The following ITPR2 variants were observed in gnomAD, a reference collection of about 807,000 sequenced individuals.
ITPR2 encodes the protein inositol 1,4,5-trisphosphate receptor type 2.
A neutral mutation model predicts 317.1 loss-of-function variants in ITPR2; 207 were observed. The observed-to-expected ratio is 0.65, with a 90% confidence interval of 0.58 to 0.73. The LOEUF is 0.73. Ranked by LOEUF, ITPR2 falls within the 30% of genes least tolerant of loss-of-function variation. The probability of loss-of-function intolerance (pLI) is 0.00; values close to 1 mark genes in which losing one functional copy is unlikely to be tolerated. For synonymous variants in ITPR2, 1,156 were observed against 1,149.1 expected, an observed-to-expected ratio of 1.01 and a Z score of -0.12; for missense variants, 2,613 against 3,284.0, an observed-to-expected ratio of 0.80 and a Z score of 4.99.
intron 8 of ITPR2, among the ~76,000 whole-genome samples, chr12:26,714,256 G>A (rs878975445): frequency 5.3e-5 from 8 of 151,970 alleles, no homozygotes; most frequent in Non-Finnish European, 2.9e-5. Context: ...TTATCTCTCC[G>A]TTTTTCAGTT....
At chr12:26,693,880 T>C (rs1018377159) in intron 10 of ITPR2, among the ~76,000 whole-genome samples, 2 of 152,212 alleles carry the variant, frequency 1.3e-5, no homozygotes, top group African/African-American at 4.8e-5. Flanking sequence ...ATCTGTCTGA[T>C]CTTATTTTAT....
At chr12:26,582,700 G>C (rs983534704) in intron 32 of ITPR2, among the ~76,000 whole-genome samples, 9 of 152,040 alleles carry the variant, frequency 5.9e-5, no homozygotes, top group African/African-American at 2.2e-4. Flanking sequence ...TTCACCAAAA[G>C]AGGAATCACC....
intron 34 of ITPR2, among the ~76,000 whole-genome samples, chr12:26,576,953 A>C (rs2137067403): frequency 6.6e-6 from 1 of 152,280 alleles, no homozygotes; most frequent in East Asian, 1.9e-4. Flanking sequence ...GTGGGTTTCT[A>C]ATAAAAATAT....
At chr12:26,458,969 C>T (rs1263669874) in intron 45 of ITPR2, among the ~76,000 whole-genome samples, 1 of 152,342 alleles carries the variant, frequency 6.6e-6, no homozygotes, top group Middle Eastern at 3.4e-3. Flanking sequence ...ATGAGAACTA[C>T]AAAGCACCGC....
At chr12:26,793,160 TA>T (rs1176366737) in intron 1 of ITPR2, among the ~76,000 whole-genome samples, 1 of 152,218 alleles carries the variant, frequency 6.6e-6, no homozygotes, top group African/African-American at 2.4e-5. Flanking sequence ...AGTTAACTTT[TA>T]TAAGCTAAGG....
At chr12:26,368,954 A>G (rs1291386466) in intron 55 of ITPR2, among the ~76,000 whole-genome samples, 2 of 152,196 alleles carry the variant, frequency 1.3e-5, no homozygotes, top group African/African-American at 4.8e-5. Flanking sequence ...TAGTGGGGAG[A>G]TGGGACCTCT....
At chr12:26,435,121 TTTAGAAC>T (rs1260242321) in intron 48 of ITPR2, among the ~76,000 whole-genome samples, 1 of 152,130 alleles carries the variant, frequency 6.6e-6, no homozygotes, top group Non-Finnish European at 1.5e-5. Context: ...ACAGCTAAAG[TTTAGAAC>T]TTTGATATCT....
chr12:26,824,854 T>A (rs1053597809), intron 1 of ITPR2, among the ~76,000 whole-genome samples: 1 of 152,192 alleles, frequency 6.6e-6, no homozygotes, highest in Non-Finnish European at 1.5e-5. Flanking sequence ...TTTTTAAACA[T>A]TCCCATCAAA....
chr12:26,400,936 T>C (rs1167062563), intron 52 of ITPR2: 1 of 152,192 alleles, frequency 6.6e-6, no homozygotes, highest in Non-Finnish European at 1.5e-5. Flanking sequence ...TGTTTAAGAA[T>C]TACCTTTAGC....
chr12:26,487,129 A>G lies in ITPR2; in HGVS notation c.5493T>C (p.Asp1831=). 6.2e-7 allele frequency: 1 copy of G among 1,613,204 alleles called. No individual in the cohort carries two copies. Among genetic ancestry groups the G allele is most frequent in the Non-Finnish European group, 8.5e-7 (1 of 1,179,540 alleles). The part of the protein sequence containing the change: ...IRSTVTVNTI[D]LGNKKRDDDN... ...CATCGTCCCTTTTTTTGTTACCTAA[A>G]TCTATGGTATTAACTGTCACTGTTG... Residue 1831 remains aspartate (D), a synonymous_variant, in exon 40 of 57, where the codon GAT becomes GAC. Coordinates refer to ENST00000381340, the MANE Select transcript of ITPR2 (RefSeq NM_002223.4).
At chr12:26,709,330 T>C (rs922886649) in intron 9 of ITPR2, among the ~76,000 whole-genome samples, 1 of 152,166 alleles carries the variant, frequency 6.6e-6, no homozygotes, top group Non-Finnish European at 1.5e-5. Context: ...TCTAAAGTAT[T>C]AAAGGTCAAA....
Position 26,833,104 on chromosome 12 carries a change from C to T in ITPR2, c.-323G>A. Reference sequence around the variant, plus strand: ...TTTTCTCTCCAACACCTTTGCTCCTCCTCCTCCTCCTTCCCTCTCCGCTCC... The same window carrying T: ...TTTTCTCTCCAACACCTTTGCTCCTTCTCCTCCTCCTTCCCTCTCCGCTCC... On this transcript the variant is annotated 5_prime_UTR_variant, in exon 1 of 57. Coordinates refer to ENST00000381340, the MANE Select transcript of ITPR2 (RefSeq NM_002223.4). 3.4e-6 allele frequency: 1 copy of T among 296,664 alleles called. No homozygotes were observed. Among genetic ancestry groups the T allele is most frequent in the South Asian group, 4.1e-5 (1 of 24,426 alleles). The allele number at this position is 296,664 out of a possible 1,614,324, so 18.4% of individuals were successfully genotyped here.
At chr12:26,442,553 C>T (rs1941510616) in intron 46 of ITPR2, among the ~76,000 whole-genome samples, 1 of 152,148 alleles carries the variant, frequency 6.6e-6, no homozygotes, top group Non-Finnish European at 1.5e-5. Context: ...TAGCTTTGTA[C>T]TTTGACTTCT....
chr12:26,386,184 G>A lies in ITPR2; in HGVS notation c.7857+1250C>T, dbSNP rs143887680. ...CAAGTGAGATCAAGAAAGTATAAAT[G>A]ATGACCATGAATATATATCCTTAAA... On this transcript the variant is annotated intron_variant, in intron 55 of 56. Coordinates refer to ENST00000381340, the MANE Select transcript of ITPR2 (RefSeq NM_002223.4). 1.2e-4 allele frequency among the ~76,000 whole-genome samples: 18 copies of A among 152,236 alleles called. No homozygotes were observed. In the East Asian group the frequency reaches 3.5e-3, roughly 29 times the overall value.
intron 9 of ITPR2, among the ~76,000 whole-genome samples, chr12:26,710,641 A>C (rs1948628843): frequency 1.3e-5 from 2 of 152,360 alleles, no homozygotes; most frequent in South Asian, 4.1e-4. Flanking sequence ...GACATCCTTC[A>C]TATCTGTCTG....
chr12:26,539,394 G>A (rs1000647412), intron 37 of ITPR2, among the ~76,000 whole-genome samples: 2 of 152,046 alleles, frequency 1.3e-5, no homozygotes, highest in African/African-American at 2.4e-5. Context: ...ATGCTGCCAT[G>A]TTCTCCTGGT....
intron 26 of ITPR2, among the ~76,000 whole-genome samples, chr12:26,617,691 G>A (rs11611350): frequency 8.6e-6 from 1 of 115,986 alleles, no homozygotes; most frequent in Admixed American, 9.4e-5. Context: ...AAGGAAGGAG[G>A]GAAGGAAGGA....
chr12:26,340,240 AG>A lies in ITPR2; in HGVS notation c.7945del (p.Leu2649PhefsTer9). 1 of 1,611,934 alleles carries A rather than the reference AG, an allele frequency of 6.2e-7. No homozygotes were observed. The highest frequency in any genetic ancestry group is 8.5e-7 in the Non-Finnish European group (1 of 1,179,094). ...GDSEQNEIRS[L>X]QEKLESTMSL... ...CATGGTCGATTCCAACTTCTCCTGAAGGCTCCGAATTTCATTTTGCTCACTG... is the reference window on the plus strand; with the variant it reads ...CATGGTCGATTCCAACTTCTCCTGAAGCTCCGAATTTCATTTTGCTCACTG... On this transcript the variant is annotated frameshift_variant, in exon 56 of 57. Transcript: ENST00000381340. LOFTEE classifies it high-confidence loss of function.
At chr12:26,381,124 G>A (rs1486475583) in intron 55 of ITPR2, among the ~76,000 whole-genome samples, 1 of 152,158 alleles carries the variant, frequency 6.6e-6, no homozygotes, top group Non-Finnish European at 1.5e-5. Context: ...CGATGAGAGA[G>A]GCCACAGATG....
Sources: gnomAD v4.1 joint callset for allele counts (sites outside exome capture counted in the v4.1 genomes callset) on GRCh38, gnomAD v4.1.1 for gene constraint, MANE v1.5 for transcripts, NCBI Gene and HGNC (gene_info 2026-07-23, HGNC 2026-07-21) for gene names.